Variants in DENND2B observed in about 807,000 individuals in gnomAD.
The protein encoded by DENND2B is DENN domain containing 2B.
In DENND2B, 32 loss-of-function variants were observed where a neutral mutation model predicts 116.0. The ratio of observed to expected loss-of-function variants is 0.28; its 90% CI spans 0.21 to 0.37. The LOEUF (loss-of-function observed/expected upper bound fraction) is 0.37. Ranked by LOEUF, DENND2B falls within the 10% of genes least tolerant of loss-of-function variation. The probability of loss-of-function intolerance (pLI) is 1.00; values close to 1 mark genes in which losing one functional copy is unlikely to be tolerated. For synonymous variants in DENND2B, 588 were observed against 583.9 expected (o/e 1.01, Z -0.10); for missense variants, 1,276 against 1,477.7 (o/e 0.86, Z 2.24).
upstream of DENND2B, among the ~76,000 whole-genome samples, chr11:8,811,974 C>T (rs749385212): frequency 1.3e-5 from 2 of 151,966 alleles, no homozygotes; most frequent in African/African-American, 2.4e-5. Flanking sequence ...CCTGGCTTCA[C>T]GCAATCCTCC....
upstream of DENND2B, among the ~76,000 whole-genome samples, chr11:8,871,590 G>T (rs2063783319): frequency 1.3e-5 from 2 of 152,136 alleles, no homozygotes; most frequent in South Asian, 4.1e-4. Flanking sequence ...GGGCCTCGGG[G>T]GAGCCCTACA....
chr11:8,838,832 T>C (rs1010226902), intron 4 of DENND2B, among the ~76,000 whole-genome samples: 2 of 152,168 alleles, frequency 1.3e-5, no homozygotes, highest in Non-Finnish European at 2.9e-5. Flanking sequence ...GGAAAGGAAT[T>C]CTTAAAGGAC....
At chr11:8,765,479 C>T (rs1194938977) in intron 1 of DENND2B, among the ~76,000 whole-genome samples, 1 of 152,196 alleles carries the variant, frequency 6.6e-6, no homozygotes, top group Non-Finnish European at 1.5e-5. Context: ...ACATTCTTTT[C>T]GATGATGTCA....
At chr11:8,818,431 C>T (rs2061653106) in intron 4 of DENND2B, among the ~76,000 whole-genome samples, 1 of 151,970 alleles carries the variant, frequency 6.6e-6, no homozygotes, top group African/African-American at 2.4e-5. Flanking sequence ...TGGACTCAAG[C>T]TGCTTTTCTA....
chr11:8,884,483 C>T (rs1022677390), intron 1 of DENND2B, among the ~76,000 whole-genome samples: 50 of 152,256 alleles, frequency 3.3e-4, no homozygotes, highest in African/African-American at 1.2e-3. Context: ...CGAGCCACCA[C>T]ATCTGATTTA....
At chr11:8,844,259 A>G (rs146989185) in intron 3 of DENND2B, among the ~76,000 whole-genome samples, 2,897 of 151,884 alleles carry the variant, frequency 0.019, 95 homozygotes, top group African/African-American at 0.066. Flanking sequence ...AAGTTAGCCA[A>G]GTGTGGTGGT....
chr11:8,697,420 A>G (rs949612574), intron 17 of DENND2B, 105 bp downstream of exon 17: 7 of 822,700 alleles, frequency 8.5e-6, no homozygotes, highest in Admixed American at 2.1e-5. Context: ...CTCATCAGCC[A>G]GAAAGGGTTT....
At chr11:8,800,121 T>C (rs1003033592) in intron 1 of DENND2B, among the ~76,000 whole-genome samples, 2 of 151,918 alleles carry the variant, frequency 1.3e-5, no homozygotes, top group African/African-American at 4.8e-5. Context: ...GCTTGGTTAA[T>C]TTCATTTATT....
chr11:8,873,784 GATAA>G (rs1719744984), upstream of DENND2B, among the ~76,000 whole-genome samples: 1 of 152,122 alleles, frequency 6.6e-6, no homozygotes, highest in South Asian at 2.1e-4. Flanking sequence ...ATAAATGAAA[GATAA>G]ATAAAAACAC....
intron 2 of DENND2B, among the ~76,000 whole-genome samples, chr11:8,745,782 T>C (rs1490343598): frequency 1.3e-5 from 2 of 152,182 alleles, no homozygotes; most frequent in African/African-American, 4.8e-5. Flanking sequence ...CTGCCAAGTG[T>C]GGAGGTGACG....
chr11:8,776,733 C>G (rs2057778944), intron 1 of DENND2B: 1 of 159,616 alleles, frequency 6.3e-6, no homozygotes, highest in African/African-American at 2.4e-5. Context: ...AGCACTGCCC[C>G]ATCTTGCTTT....
chr11:8,696,140 TC>T, intron 18 of DENND2B: 1 of 452,398 alleles, frequency 2.2e-6, no homozygotes, highest in Non-Finnish European at 4.0e-6. Flanking sequence ...AGAAGGGCTT[TC>T]TCCTATCTTT....
intron 9 of DENND2B, chr11:8,711,757 C>T: frequency 3.7e-6 from 1 of 270,446 alleles, no homozygotes; most frequent in Non-Finnish European, 7.6e-6. Flanking sequence ...ATCCCAGCTA[C>T]TTGGGAGGCT....
chr11:8,783,761 G>A lies in DENND2B; in HGVS notation c.-26+26756C>T, dbSNP rs549059829. On this transcript the variant is annotated intron_variant, in intron 1 of 19. Transcript: ENST00000313726. ...GCAGATGAGTTTTACTTGAAATAAC[G>A]GAAAAGGTAAGCAGAAAAAGAGGGA... Among the ~76,000 whole-genome samples the A allele has an allele frequency of 7.9e-5, 12 of 152,252 alleles. No individual in the cohort carries two copies. The South Asian group carries it at 1.5e-3, about 18-fold the overall frequency.
intron 4 of DENND2B, among the ~76,000 whole-genome samples, chr11:8,826,761 C>T (rs1013499269): frequency 2.0e-5 from 3 of 152,230 alleles, no homozygotes; most frequent in Middle Eastern, 3.2e-3. Context: ...TGATTAGCTC[C>T]TTATCTAACA....
chr11:8,744,522 A>G (rs1294529173), intron 2 of DENND2B, among the ~76,000 whole-genome samples: 2 of 152,292 alleles, frequency 1.3e-5, no homozygotes, highest in East Asian at 3.9e-4. Context: ...TGGGCCCTTA[A>G]CATATTATGG....
At chr11:8,808,546 T>C (rs1002417407) in intron 1 of DENND2B, 3 of 152,166 alleles carry the variant, frequency 2.0e-5, no homozygotes, top group East Asian at 3.9e-4. Flanking sequence ...CCTGAAGAAG[T>C]CTTTTCAGAT....
Position 8,715,684 on chromosome 11 carries a change from G to A in DENND2B, c.1764C>T (p.Ser588=), listed in dbSNP as rs1380419193. Reference sequence around the variant, plus strand: ...TGTCTTCATTGAGGCTGGAGGGTGAGGACGGCAGACTCAGCTGAGCCAGCA... The same window carrying A: ...TGTCTTCATTGAGGCTGGAGGGTGAAGACGGCAGACTCAGCTGAGCCAGCA... ...MLLLAQLSLP[S]SPSSLNEDSL... is the part of the protein sequence containing the mutation. Residue 588 remains serine, a synonymous_variant, in exon 6 of 20, where the codon TCC becomes TCT. Coordinates refer to ENST00000313726, the MANE Select transcript of DENND2B (RefSeq NM_213618.2). The A allele has an allele frequency of 1.1e-5, 18 of 1,614,234 alleles. No homozygotes were observed. Among genetic ancestry groups the A allele is most frequent in the Non-Finnish European group, 1.4e-5 (17 of 1,180,046 alleles).
chr11:8,874,278 T>TTA (rs754764033), upstream of DENND2B, among the ~76,000 whole-genome samples: 13 of 152,242 alleles, frequency 8.5e-5, no homozygotes, highest in South Asian at 2.1e-4. Flanking sequence ...GATTACATGG[T>TTA]TATATTCCAT....
Sources: gnomAD v4.1 joint callset for allele counts (sites outside exome capture counted in the v4.1 genomes callset) on GRCh38, gnomAD v4.1.1 for gene constraint, MANE v1.5 for transcripts, NCBI Gene and HGNC (gene_info 2026-07-23, HGNC 2026-07-21) for gene names.